The following MACF1 variants were observed in gnomAD, a reference collection of about 807,000 sequenced individuals.
MACF1 encodes the protein microtubule-actin cross-linking factor 1.
A neutral mutation model predicts 854.8 loss-of-function variants in MACF1; 193 were observed. The ratio of observed to expected loss-of-function variants is 0.23; its 90% CI spans 0.20 to 0.25. MACF1 has a LOEUF of 0.25. MACF1 is among the 10% of genes least tolerant of loss of function. The pLI is 1.00. For synonymous variants in MACF1, 3,185 were observed against 3,226.7 expected, an observed-to-expected ratio of 0.99 and a Z score of 0.44; for missense variants, 7,722 against 8,929.1, an observed-to-expected ratio of 0.86 and a Z score of 5.45.
At chr1:39,177,325 T>G (rs1248974786) in intron 2 of MACF1, among the ~76,000 whole-genome samples, 1 of 152,186 alleles carries the variant, frequency 6.6e-6, no homozygotes, top group East Asian at 1.9e-4. Context: ...TTTCTCCGTG[T>G]TGGTCAGGCC....
intron 2 of MACF1, among the ~76,000 whole-genome samples, chr1:39,141,585 AAT>A (rs1268403022): frequency 6.6e-6 from 1 of 152,236 alleles, no homozygotes; most frequent in Non-Finnish European, 1.5e-5. Flanking sequence ...GATTGAATGA[AAT>A]AACATGTAAA....
chr1:39,414,410 A>G, intron 58 of MACF1: 2 of 1,614,018 alleles, frequency 1.2e-6, no homozygotes, highest in Non-Finnish European at 1.7e-6. Flanking sequence ...GGCATAAAAG[A>G]GGTGACCAGC....
In MACF1 at chr1:39,315,640, T is replaced by A; in HGVS notation, c.3398T>A (p.Leu1133Gln). 6.2e-7 allele frequency: 1 copy of A among 1,614,136 alleles called. No homozygotes were observed. Among genetic ancestry groups the A allele is most frequent in the South Asian group, 1.1e-5 (1 of 91,082 alleles). Residue 1133 changes from leucine to glutamine, a missense_variant, in exon 27 of 101, where the codon CTG (leucine) becomes CAG (glutamine). Physicochemically the swap from Leu to Gln is moderately radical, Grantham distance 113. Around this residue, in one of 15 missense-constraint regions of MACF1, gnomAD observed 1,137 missense variants for 1,263.0 expected, o/e 0.90. Transcript: ENST00000564288. ...ACTCTGCGCTCAGAACTGAATCTGCTGGTGGAGAAGATGGACCATGTCTAT... is the reference window on the plus strand; with the variant it reads ...ACTCTGCGCTCAGAACTGAATCTGCAGGTGGAGAAGATGGACCATGTCTAT... ...VPTLRSELNL[L>Q]VEKMDHVYGL...
chr1:39,458,837 C>T (rs961083979), intron 90 of MACF1: 8 of 499,766 alleles, frequency 1.6e-5, no homozygotes, highest in East Asian at 1.0e-4. Flanking sequence ...GTTGAGTTAA[C>T]GTGTCATCAG....
At chr1:39,455,485 T>C (rs1340899224) in intron 89 of MACF1, among the ~76,000 whole-genome samples, 1 of 152,142 alleles carries the variant, frequency 6.6e-6, no homozygotes, top group East Asian at 1.9e-4. Flanking sequence ...CCCCCTCAGG[T>C]CTTAGCCACA....
At chr1:39,375,143 AAAG>A (rs1391459573) in intron 52 of MACF1, among the ~76,000 whole-genome samples, 1 of 151,556 alleles carries the variant, frequency 6.6e-6, no homozygotes, top group Non-Finnish European at 1.5e-5. Context: ...ATAAAAATTA[AAAG>A]AAACCATTTT....
intron 93 of MACF1, among the ~76,000 whole-genome samples, chr1:39,463,386 G>T (rs1405442029): frequency 6.6e-6 from 1 of 151,700 alleles, no homozygotes; most frequent in Non-Finnish European, 1.5e-5. Context: ...GCCACTTGGG[G>T]GGCTGAGGTA....
intron 6 of MACF1, among the ~76,000 whole-genome samples, chr1:39,279,147 A>G (rs569838199): frequency 6.6e-6 from 1 of 152,296 alleles, no homozygotes; most frequent in Admixed American, 6.5e-5. Flanking sequence ...TCATCAAAGT[A>G]GAATAGTCTG....
At position 39,451,177 on chromosome 1, in the gene MACF1, T is replaced by A. The variant is rs769166561; in HGVS notation, c.20384T>A (p.Leu6795His). Residue 6795 changes from leucine to histidine, a missense_variant, in exon 85 of 101, where the codon CTT becomes CAT. This residue lies in a region of MACF1 where 729 missense variants were observed against 900.5 expected (regional missense o/e 0.81). Transcript: ENST00000564288. ...LAEDQPVHGDLDLVMNLMDAH... is the reference protein window; with the variant it reads ...LAEDQPVHGDHDLVMNLMDAH... ...GAGGACCAGCCCGTGCACGGGGACC[T>A]TGACCTCGTCATGAACCTCATGGAT... 1 of 1,614,112 alleles carries A rather than the reference T, an allele frequency of 6.2e-7. No homozygotes were observed. The highest frequency in any genetic ancestry group is 1.1e-5 in the South Asian group (1 of 91,070).
chr1:39,203,758 C>T (rs1644418549), upstream of MACF1, among the ~76,000 whole-genome samples: 1 of 152,028 alleles, frequency 6.6e-6, no homozygotes, highest in African/African-American at 2.4e-5. Flanking sequence ...TCATCTGTGT[C>T]GTCGTATGTA....
At chr1:39,365,674 T>C (rs1034281852) in intron 49 of MACF1, among the ~76,000 whole-genome samples, 1 of 151,800 alleles carries the variant, frequency 6.6e-6, no homozygotes, top group African/African-American at 2.4e-5. Flanking sequence ...CTGGATTTTC[T>C]TTTTTTTCTT....
intron 31 of MACF1, among the ~76,000 whole-genome samples, chr1:39,321,743 A>G (rs1030624168): frequency 3.9e-5 from 6 of 152,200 alleles, no homozygotes; most frequent in African/African-American, 1.4e-4. Context: ...CTTATTAGAA[A>G]TGTAGAATCT....
intron 1 of MACF1, among the ~76,000 whole-genome samples, chr1:39,205,894 C>T (rs1227647999): frequency 6.6e-6 from 1 of 152,092 alleles, no homozygotes; most frequent in East Asian, 1.9e-4. Flanking sequence ...CAGGGATCAG[C>T]CCTGAGTTTG....
At chr1:39,212,435 G>T (rs976610094) in intron 1 of MACF1, among the ~76,000 whole-genome samples, 1 of 152,078 alleles carries the variant, frequency 6.6e-6, no homozygotes, top group Non-Finnish European at 1.5e-5. Context: ...CTGCAGTGCC[G>T]TTAGGAGAAA....
chr1:39,296,747 A>G (rs574302486), intron 20 of MACF1, among the ~76,000 whole-genome samples: 487 of 37,916 alleles, frequency 0.013, 9 homozygotes, highest in Middle Eastern at 0.024. Flanking sequence ...AGAAAGAAAG[A>G]AAGAAAGGAA....
chr1:39,337,971 G>A (rs570403534), intron 38 of MACF1, among the ~76,000 whole-genome samples: 3 of 152,148 alleles, frequency 2.0e-5, no homozygotes, highest in South Asian at 2.1e-4. Flanking sequence ...GGGTTTCACC[G>A]TGTTAGCCAA....
intron 58 of MACF1, chr1:39,411,857 A>G: frequency 1.2e-6 from 2 of 1,613,816 alleles, no homozygotes; most frequent in Non-Finnish European, 1.7e-6. Flanking sequence ...GCAAAAGATT[A>G]TGATACTAGA....
chr1:39,433,519 C>T (rs1195630490), intron 68 of MACF1, among the ~76,000 whole-genome samples: 1 of 152,098 alleles, frequency 6.6e-6, no homozygotes, highest in East Asian at 1.9e-4. Flanking sequence ...TCTAAAAGGT[C>T]GTACCTAGTT....
intron 2 of MACF1, among the ~76,000 whole-genome samples, chr1:39,190,395 G>GTTGTTTTTTT (rs1644237768): frequency 1.3e-5 from 1 of 79,038 alleles, no homozygotes; most frequent in Non-Finnish European, 2.4e-5. Flanking sequence ...GTGTGTGTTT[G>GTTGTTTTTTT]TTTTTGTTTT....
Sources: allele counts gnomAD v4.1 joint callset (sites outside exome capture counted in the v4.1 genomes callset), GRCh38; gene constraint gnomAD v4.1.1; regional missense constraint gnomAD v4.1.1; transcripts MANE v1.5; gene names NCBI Gene and HGNC (gene_info 2026-07-23, HGNC 2026-07-21).